Variants in SVIL observed in about 807,000 individuals in gnomAD.
SVIL encodes archvillin.
In SVIL, 101 loss-of-function variants were observed where a neutral mutation model predicts 240.4. The observed-to-expected ratio is 0.42, with a 90% CI of 0.36 to 0.50. The LOEUF is 0.50. Ranked by LOEUF, SVIL falls within the 20% of genes least tolerant of loss-of-function variation. The pLI, the probability that SVIL is intolerant of heterozygous loss-of-function variation, is 0.01. For synonymous variants in SVIL, 999 were observed against 1,100.0 expected (o/e 0.91, Z 1.82); for missense variants, 2,512 against 2,818.7 (o/e 0.89, Z 2.46).
chr10:29,579,959 C>A (rs989353435), intron 1 of SVIL, among the ~76,000 whole-genome samples: 3 of 151,948 alleles, frequency 2.0e-5, no homozygotes, highest in African/African-American at 7.3e-5. Context: ...TCCTCATATG[C>A]AGATGAGAAA....
chr10:29,704,773 C>G (rs944132314), intron 1 of SVIL, among the ~76,000 whole-genome samples: 12 of 152,160 alleles, frequency 7.9e-5, no homozygotes, highest in African/African-American at 2.9e-4. Flanking sequence ...ACTGCCCCCT[C>G]CATCCTAGCG....
chr10:29,712,356 A>C (rs746300266), intron 1 of SVIL, among the ~76,000 whole-genome samples: 5 of 152,168 alleles, frequency 3.3e-5, no homozygotes, highest in Non-Finnish European at 2.9e-5. Flanking sequence ...TTTTTGCTCT[A>C]TTAGTTCCCA....
chr10:29,694,552 C>T (rs1181594953), intron 1 of SVIL, among the ~76,000 whole-genome samples: 3 of 152,048 alleles, frequency 2.0e-5, no homozygotes, highest in African/African-American at 7.2e-5. Flanking sequence ...CTCCACCTCC[C>T]GGGTTCAAGT....
chr10:29,642,582 T>A (rs1958525541), intron 3 of SVIL, among the ~76,000 whole-genome samples: 1 of 152,208 alleles, frequency 6.6e-6, no homozygotes, highest in Admixed American at 6.5e-5. Flanking sequence ...TCCATGACAT[T>A]TTCATATTAC....
At chr10:29,558,927 CG>C (rs1954191926) in intron 3 of SVIL, among the ~76,000 whole-genome samples, 2 of 118,492 alleles carry the variant, frequency 1.7e-5, no homozygotes, top group Non-Finnish European at 3.3e-5. Flanking sequence ...GATTCTGCCT[CG>C]AAATATATAT....
At chr10:29,536,112 C>A (rs748239255) in intron 6 of SVIL, 43 bp from the exon 7 acceptor site, 16 of 1,564,550 alleles carry the variant, frequency 1.0e-5, no homozygotes, top group Non-Finnish European at 1.2e-5. Context: ...TCTATTAAAA[C>A]GTCAACATAT....
intron 36 of SVIL, chr10:29,458,849 C>T (rs1943879280): frequency 4.2e-6 from 1 of 236,708 alleles, no homozygotes; most frequent in South Asian, 7.4e-5. Context: ...CTCTGCTACT[C>T]AGGCTGGAGT....
chr10:29,460,647 GCTTGTAAT>G (rs1396025071), intron 36 of SVIL, among the ~76,000 whole-genome samples: 1 of 152,242 alleles, frequency 6.6e-6, no homozygotes, highest in Non-Finnish European at 1.5e-5. Flanking sequence ...AGTGGCTCAT[GCTTGTAAT>G]CCCAGCACTT....
chr10:29,643,769 C>A (rs922832530), intron 3 of SVIL, among the ~76,000 whole-genome samples: 1 of 152,100 alleles, frequency 6.6e-6, no homozygotes, highest in African/African-American at 2.4e-5. Flanking sequence ...GCTCCAAGGT[C>A]ATCTGTAAGT....
In SVIL at chr10:29,683,306, A is replaced by C. The variant is rs1960808472; in HGVS notation, c.-301+3247T>G. Among the ~76,000 whole-genome samples, 6 of 152,340 alleles carry C rather than the reference A, an allele frequency of 3.9e-5. No homozygotes were observed. The South Asian group carries it at 1.2e-3, about 32-fold the overall frequency. On this transcript the variant is annotated intron_variant, in intron 2 of 35. Transcript: ENST00000375400. Reference sequence around the variant, plus strand: ...GTTAAGATAAGGGATTGTGGAGACCAGGGTGTTAGTATGCAAATGAAGCCT... The same window carrying C: ...GTTAAGATAAGGGATTGTGGAGACCCGGGTGTTAGTATGCAAATGAAGCCT...
At chr10:29,656,072 T>C (rs771189958) in intron 3 of SVIL, among the ~76,000 whole-genome samples, 11 of 151,932 alleles carry the variant, frequency 7.2e-5, no homozygotes, top group South Asian at 2.1e-4. Flanking sequence ...GGTTTCACCA[T>C]GTTGGCCAGG....
chr10:29,708,438 T>C (rs900281229), intron 1 of SVIL, among the ~76,000 whole-genome samples: 1 of 150,348 alleles, frequency 6.7e-6, no homozygotes, highest in Non-Finnish European at 1.5e-5. Context: ...CTGGCCAACA[T>C]GGTGAAACCC....
At chr10:29,521,470 A>G (rs1950559346) in intron 16 of SVIL, among the ~76,000 whole-genome samples, 3 of 152,132 alleles carry the variant, frequency 2.0e-5, no homozygotes, top group African/African-American at 4.8e-5. Flanking sequence ...CAGTTTTCCT[A>G]TCAACTATTC....
At chr10:29,624,065 A>G (rs901697223) in intron 1 of SVIL, among the ~76,000 whole-genome samples, 1 of 151,006 alleles carries the variant, frequency 6.6e-6, no homozygotes, top group African/African-American at 2.4e-5. Context: ...TCAGAATGTG[A>G]CTTTTCCTCA....
intron 1 of SVIL, among the ~76,000 whole-genome samples, chr10:29,580,554 C>T (rs192710351): frequency 6.6e-6 from 1 of 152,286 alleles, no homozygotes; most frequent in East Asian, 1.9e-4. Flanking sequence ...TCCAGAGGTC[C>T]GTACGATGTC....
At chr10:29,480,287 A>G (rs1295144421) in intron 29 of SVIL, among the ~76,000 whole-genome samples, 1 of 152,194 alleles carries the variant, frequency 6.6e-6, no homozygotes, top group African/African-American at 2.4e-5. Flanking sequence ...GGAGCTGAGA[A>G]GCCTTGATGT....
At chr10:29,465,483 G>A in intron 34 of SVIL, 112 bp downstream of exon 34, 1 of 1,339,732 alleles carries the variant, frequency 7.5e-7, no homozygotes, top group South Asian at 1.5e-5. Flanking sequence ...GGGTGCTCTG[G>A]GAATGTACTT....
chr10:29,633,299 C>T (rs1958180236), intron 1 of SVIL, among the ~76,000 whole-genome samples: 1 of 151,640 alleles, frequency 6.6e-6, no homozygotes, highest in South Asian at 2.1e-4. Context: ...CACACATCTG[C>T]CTGGCACTGG....
chr10:29,688,042 CCCGGTAGAA>C (rs1222517839), intron 1 of SVIL, among the ~76,000 whole-genome samples: 4 of 152,082 alleles, frequency 2.6e-5, no homozygotes, highest in African/African-American at 9.7e-5. Flanking sequence ...TGACACTTTC[CCCGGTAGAA>C]GGGGAAAGTG....
Sources: gnomAD v4.1 joint callset for allele counts (sites outside exome capture counted in the v4.1 genomes callset) on GRCh38, gnomAD v4.1.1 for gene constraint, MANE v1.5 for transcripts, NCBI Gene and HGNC (gene_info 2026-07-23, HGNC 2026-07-21) for gene names.